Variants in HCN1 observed in about 807,000 individuals in gnomAD.
HCN1 encodes the protein hyperpolarization activated cyclic nucleotide gated potassium channel 1, also known as potassium/sodium hyperpolarization-activated cyclic nucleotide-gated channel 1.
HCN1 carries 13 observed loss-of-function variants against 78.9 expected under a neutral mutation model. That is an observed-to-expected ratio of 0.16 (90% CI 0.11 to 0.26). HCN1 has a LOEUF of 0.26. Ranked by LOEUF, HCN1 falls within the 10% of genes least tolerant of loss-of-function variation. The pLI is 1.00. For missense variants in HCN1, 810 were observed against 1,154.3 expected (o/e 0.70, Z 4.32); for synonymous variants, 552 against 455.5 (o/e 1.21, Z -2.70).
intron 2 of HCN1, among the ~76,000 whole-genome samples, chr5:45,510,720 G>C (rs1290572517): frequency 6.6e-6 from 1 of 152,048 alleles, no homozygotes; most frequent in Admixed American, 6.6e-5. Context: ...TCTGTGTTCT[G>C]CCATCATGTC....
chr5:45,515,988 T>C (rs576886997), intron 2 of HCN1, among the ~76,000 whole-genome samples: 1 of 152,156 alleles, frequency 6.6e-6, no homozygotes, highest in South Asian at 2.1e-4. Context: ...TATACATGCA[T>C]GTCAACTTTT....
chr5:45,482,916 T>C (rs1249552542), intron 2 of HCN1, among the ~76,000 whole-genome samples: 3 of 152,208 alleles, frequency 2.0e-5, no homozygotes, highest in African/African-American at 7.2e-5. Flanking sequence ...GCCCCAACTA[T>C]GTTGCTGCAA....
chr5:45,644,772 C>T (rs1415540398), intron 2 of HCN1: 1 of 179,960 alleles, frequency 5.6e-6, no homozygotes, highest in Non-Finnish European at 1.1e-5. Flanking sequence ...TTAGAGGATA[C>T]AAAAACCACA....
chr5:45,494,068 C>T (rs1421057994), intron 2 of HCN1, among the ~76,000 whole-genome samples: 1 of 152,048 alleles, frequency 6.6e-6, no homozygotes, highest in Non-Finnish European at 1.5e-5. Context: ...CATACGTGTG[C>T]ATGTGTCTTT....
chr5:45,598,272 A>G (rs985946231), intron 2 of HCN1, among the ~76,000 whole-genome samples: 4 of 152,158 alleles, frequency 2.6e-5, no homozygotes, highest in Non-Finnish European at 4.4e-5. Flanking sequence ...CGCATCTACA[A>G]TCATCTGATC....
intron 4 of HCN1, among the ~76,000 whole-genome samples, chr5:45,373,267 T>C (rs867701118): frequency 6.9e-5 from 8 of 116,212 alleles, no homozygotes; most frequent in South Asian, 2.4e-4. Flanking sequence ...TATTATATAT[T>C]ATATATATTT....
intron 6 of HCN1, among the ~76,000 whole-genome samples, chr5:45,298,621 G>T (rs1345346490): frequency 6.6e-6 from 1 of 151,998 alleles, no homozygotes; most frequent in Non-Finnish European, 1.5e-5. Context: ...ATATCCAAGT[G>T]TCCATACTGA....
intron 4 of HCN1, among the ~76,000 whole-genome samples, chr5:45,371,452 T>C (rs775240406): frequency 6.6e-6 from 1 of 151,782 alleles, no homozygotes; most frequent in Non-Finnish European, 1.5e-5. Context: ...ATATTACCAC[T>C]GAACCCACTG....
chr5:45,631,613 T>C (rs1174558437), intron 2 of HCN1, among the ~76,000 whole-genome samples: 1 of 152,086 alleles, frequency 6.6e-6, no homozygotes, highest in Non-Finnish European at 1.5e-5. Flanking sequence ...ACAGACTACA[T>C]ACTGGAGCAT....
At chr5:45,355,646 T>C (rs976394480) in intron 4 of HCN1, among the ~76,000 whole-genome samples, 2 of 151,904 alleles carry the variant, frequency 1.3e-5, no homozygotes, top group Admixed American at 1.3e-4. Flanking sequence ...AGAAAATATA[T>C]ACATCATTGG....
chr5:45,615,130 A>G (rs1744917449), intron 2 of HCN1, among the ~76,000 whole-genome samples: 1 of 152,084 alleles, frequency 6.6e-6, no homozygotes, highest in Non-Finnish European at 1.5e-5. Context: ...CTTTCATTCT[A>G]AGCAAGATGA....
rs545612986 is a variant in HCN1, at chr5:45,373,525, T to C, written c.1231-20279A>G. On this transcript the variant is annotated intron_variant, in intron 4 of 7. Coordinates refer to ENST00000303230, the MANE Select transcript of HCN1 (RefSeq NM_021072.4). ...TATATACATCATCTATAATATATATTACATACATTATATAGGTCATCTATA... is the reference window on the plus strand; with the variant it reads ...TATATACATCATCTATAATATATATCACATACATTATATAGGTCATCTATA... 2.1e-4 allele frequency among the ~76,000 whole-genome samples: 30 copies of C among 141,362 alleles called. 1 individual carries two copies. The highest frequency in any genetic ancestry group is 1.3e-3 in the Admixed American group (17 of 13,052). 92.7% of individuals were successfully genotyped at this position (141,362 alleles called of 152,430 possible).
At chr5:45,458,583 T>A (rs927286324) in intron 3 of HCN1, among the ~76,000 whole-genome samples, 3 of 152,180 alleles carry the variant, frequency 2.0e-5, no homozygotes, top group African/African-American at 7.2e-5. Flanking sequence ...TGGAGTGCTT[T>A]AACTAACAGG....
chr5:45,498,814 A>T (rs1012566951), intron 2 of HCN1, among the ~76,000 whole-genome samples: 2 of 152,114 alleles, frequency 1.3e-5, no homozygotes, highest in African/African-American at 4.8e-5. Flanking sequence ...CAGGACCCTC[A>T]GCTGCAGGTC....
At chr5:45,621,756 G>T (rs974150521) in intron 2 of HCN1, among the ~76,000 whole-genome samples, 1 of 152,076 alleles carries the variant, frequency 6.6e-6, no homozygotes, top group Admixed American at 6.5e-5. Flanking sequence ...AACGAATCTA[G>T]TAGTTTGAAT....
At chr5:45,357,392 C>G (rs1347289257) in intron 4 of HCN1, among the ~76,000 whole-genome samples, 1 of 151,968 alleles carries the variant, frequency 6.6e-6, no homozygotes, top group African/African-American at 2.4e-5. Context: ...TGTATTTAGT[C>G]TCTGCATTTT....
rs557323672 is a variant in HCN1, at chr5:45,258,434, A to C, written c.*3487T>G. On this transcript the variant is annotated 3_prime_UTR_variant, in exon 8 of 8. Transcript: ENST00000303230. ...TAAAGTGGAACAGCATTCATCAGGG[A>C]ATTGTTCACTTATGAAGAGGTCATC... 6.6e-5 allele frequency: 10 copies of C among 152,284 alleles called. No individual in the cohort carries two copies. Among genetic ancestry groups the C allele is most frequent in the South Asian group, 2.1e-4 (1 of 4,828 alleles). 9.4% of individuals were successfully genotyped at this position (152,284 alleles called of 1,614,324 possible).
At chr5:45,328,872 T>A (rs1057465808) in intron 5 of HCN1, among the ~76,000 whole-genome samples, 1 of 151,602 alleles carries the variant, frequency 6.6e-6, no homozygotes, top group Non-Finnish European at 1.5e-5. Flanking sequence ...AGCATCTACT[T>A]TGCATAGATG....
intron 6 of HCN1, among the ~76,000 whole-genome samples, chr5:45,288,043 T>C (rs1745302339): frequency 6.6e-6 from 1 of 152,010 alleles, no homozygotes; most frequent in Non-Finnish European, 1.5e-5. Flanking sequence ...GAGATATTCT[T>C]GGGGAAGATC....
Sources: gnomAD v4.1 joint callset for allele counts (sites outside exome capture counted in the v4.1 genomes callset) on GRCh38, gnomAD v4.1.1 for gene constraint, MANE v1.5 for transcripts, NCBI Gene and HGNC (gene_info 2026-07-23, HGNC 2026-07-21) for gene names.